The following RAF1 variants were observed in gnomAD, a reference collection of about 807,000 sequenced individuals.
The protein encoded by RAF1 is Raf-1 proto-oncogene, serine/threonine kinase, also known as RAF proto-oncogene serine/threonine-protein kinase.
A neutral mutation model predicts 81.1 loss-of-function variants in RAF1; 27 were observed. That is an observed-to-expected ratio of 0.33 (90% CI 0.25 to 0.46). RAF1 has a LOEUF of 0.46. Among genes scored for constraint, RAF1 ranks in the 20% least tolerant of loss-of-function variants. The pLI, the probability that RAF1 is intolerant of heterozygous loss-of-function variation, is 1.00. For missense variants in RAF1, 598 were observed against 826.0 expected, an observed-to-expected ratio of 0.72 and a Z score of 3.38; for synonymous variants, 298 against 294.0, an observed-to-expected ratio of 1.01 and a Z score of -0.14.
intron 1 of RAF1, among the ~76,000 whole-genome samples, chr3:12,646,255 C>T (rs1366391940): frequency 6.6e-6 from 1 of 152,226 alleles, no homozygotes; most frequent in East Asian, 1.9e-4. Flanking sequence ...ATCCTCCCAC[C>T]TCAGCCTCCT....
chr3:12,624,183 T>C (rs1323380046), intron 1 of RAF1, among the ~76,000 whole-genome samples: 1 of 152,110 alleles, frequency 6.6e-6, no homozygotes, highest in Non-Finnish European at 1.5e-5. Context: ...CACATACTCA[T>C]ACAAACGATA....
intron 2 of RAF1, among the ~76,000 whole-genome samples, chr3:12,614,437 A>G (rs2059311401): frequency 6.6e-6 from 1 of 151,658 alleles, no homozygotes; most frequent in South Asian, 2.1e-4. Context: ...TGTAAAATCT[A>G]TATTATATAT....
chr3:12,616,158 A>G (rs569044226), intron 2 of RAF1, among the ~76,000 whole-genome samples: 1 of 152,344 alleles, frequency 6.6e-6, no homozygotes, highest in East Asian at 1.9e-4. Flanking sequence ...AGAGGATCAA[A>G]AAAGTACAGA....
At chr3:12,594,437 T>A (rs1435509139) in intron 11 of RAF1, among the ~76,000 whole-genome samples, 1 of 152,196 alleles carries the variant, frequency 6.6e-6, no homozygotes, top group East Asian at 1.9e-4. Flanking sequence ...GACCTCGTTT[T>A]GTAGTCCATT....
Position 12,628,759 on chromosome 3 carries a change from G to GT in RAF1, c.-26-10013_-26-10012insA, listed in dbSNP as rs1180161739. 6.4e-3 allele frequency among the ~76,000 whole-genome samples: 888 copies of GT among 138,624 alleles called. 13 individuals are homozygous for GT. The highest frequency in any genetic ancestry group is 0.022 in the African/African-American group (839 of 37,926). 90.9% of individuals were successfully genotyped at this position (138,624 alleles called of 152,430 possible). A position where few individuals can be genotyped will look rare whatever the true frequency, so the allele number is the denominator to read the frequency against. On this transcript the variant is annotated intron_variant, in intron 1 of 17. Transcript: ENST00000442415. ...GAACCTGAGACTATTTTTGGGGGGG[G>GT]GGGGTGGCGGGGCACATGGTCTCAC...
chr3:12,594,809 C>T (rs552660790), intron 11 of RAF1, among the ~76,000 whole-genome samples: 1 of 152,316 alleles, frequency 6.6e-6, no homozygotes, highest in African/African-American at 2.4e-5. Flanking sequence ...GATGGGAAGA[C>T]TGAACAGGGT....
At chr3:12,584,698 A>G (rs1321285379) in intron 17 of RAF1, 41 bp from the exon 17 acceptor site, 13 of 1,612,224 alleles carry the variant, frequency 8.1e-6, no homozygotes, top group Non-Finnish European at 6.8e-6. Context: ...GCTGTGTCTC[A>G]AAGACACAGG....
At chr3:12,605,090 A>G (rs1432411756) in intron 6 of RAF1, among the ~76,000 whole-genome samples, 1 of 152,190 alleles carries the variant, frequency 6.6e-6, no homozygotes, top group Non-Finnish European at 1.5e-5. Flanking sequence ...CTTCAGAGGT[A>G]ACTACAAATT....
chr3:12,661,633 G>A (rs558986628), intron 1 of RAF1, among the ~76,000 whole-genome samples: 2 of 152,190 alleles, frequency 1.3e-5, no homozygotes, highest in African/African-American at 4.8e-5. Flanking sequence ...AACCAAGGAG[G>A]CAGAGGTTGC....
intron 1 of RAF1, among the ~76,000 whole-genome samples, chr3:12,658,602 C>CA (rs998185542): frequency 3.4e-4 from 51 of 151,150 alleles, no homozygotes; most frequent in East Asian, 2.5e-3. Context: ...AACTCCGTCT[C>CA]AAAAAAAACA....
Position 12,612,168 on chromosome 3 carries a change from G to A in RAF1, c.208-106C>T, listed in dbSNP as rs549872854. The A allele has an allele frequency of 1.5e-4, 125 of 837,714 alleles. 1 individual carries two copies. Among genetic ancestry groups the A allele is most frequent in the African/African-American group, 1.4e-3 (86 of 60,218 alleles). 51.9% of individuals were successfully genotyped at this position (837,714 alleles called of 1,614,324 possible). A position where few individuals can be genotyped will look rare whatever the true frequency, so the allele number is the denominator to read the frequency against. ...GTCTGTATTGCTTGTGATGGCCCACGCACACACACATATACGAAACAACCT... is the reference window on the plus strand; with the variant it reads ...GTCTGTATTGCTTGTGATGGCCCACACACACACACATATACGAAACAACCT... On this transcript the variant is annotated intron_variant, in intron 2 of 17. Transcript: ENST00000442415.
rs1290847333 is a variant in RAF1, at chr3:12,663,935, A to C, written c.-149T>G. 5.0e-6 allele frequency: 2 copies of C among 398,130 alleles called. No individual in the cohort carries two copies. Among genetic ancestry groups the C allele is most frequent in the Non-Finnish European group, 8.9e-6 (2 of 225,832 alleles). 24.7% of individuals were successfully genotyped at this position (398,130 alleles called of 1,614,324 possible). A position where few individuals can be genotyped will look rare whatever the true frequency, so the allele number is the denominator to read the frequency against. ...ATTCGGCGCGTCCCCAGCCCAGGGG[A>C]CGGAGCCCCGAGCAGCCCCCGCATC... is the stretch of plus-strand genomic sequence containing the variant. On this transcript the variant is annotated 5_prime_UTR_variant, in exon 1 of 18. Coordinates refer to ENST00000442415, the MANE Select transcript of RAF1 (RefSeq NM_001354689.3).
At chr3:12,631,500 G>A (rs2059858410) in intron 1 of RAF1, among the ~76,000 whole-genome samples, 1 of 152,208 alleles carries the variant, frequency 6.6e-6, no homozygotes, top group Non-Finnish European at 1.5e-5. Context: ...TCGGAAGGCT[G>A]AAGCAGGAGA....
chr3:12,639,771 A>G (rs2060129840), intron 1 of RAF1, among the ~76,000 whole-genome samples: 2 of 152,210 alleles, frequency 1.3e-5, no homozygotes, highest in Non-Finnish European at 2.9e-5. Context: ...AAGAATCAAT[A>G]TCGTGAAAAT....
chr3:12,618,545 A>G lies in RAF1; in HGVS notation c.177T>C (p.Arg59=). Residue 59 remains arginine, a synonymous_variant, in exon 2 of 18, where the codon CGT becomes CGC. Coordinates refer to ENST00000442415, the MANE Select transcript of RAF1 (RefSeq NM_001354689.3). The stretch of plus-strand genomic sequence containing the variant: ...TTCTTTGCTTGTTCGGCAAGAAAAC[A>G]CGGATAGTGTTGCTTGTCTTAGAAG... 1 of 1,614,216 alleles carries G rather than the reference A, an allele frequency of 6.2e-7. No homozygotes were observed.
chr3:12,646,540 A>T (rs1054086147), intron 1 of RAF1, among the ~76,000 whole-genome samples: 1 of 148,926 alleles, frequency 6.7e-6, no homozygotes, highest in Non-Finnish European at 1.5e-5. Flanking sequence ...ACGCCCTGCT[A>T]ATTTTTGTAT....
intron 11 of RAF1, among the ~76,000 whole-genome samples, chr3:12,596,386 G>A (rs1430245250): frequency 2.0e-5 from 3 of 151,876 alleles, no homozygotes; most frequent in Non-Finnish European, 4.4e-5. Flanking sequence ...TGGAGACAGG[G>A]TTTCACCATG....
intron 1 of RAF1, among the ~76,000 whole-genome samples, chr3:12,646,912 T>C (rs911087476): frequency 6.6e-6 from 1 of 151,818 alleles, no homozygotes; most frequent in Non-Finnish European, 1.5e-5. Flanking sequence ...CTCAAACTCC[T>C]GACCTCAAAT....
At chr3:12,612,649 C>CAAAAA (rs546490049) in intron 2 of RAF1, among the ~76,000 whole-genome samples, 1 of 74,678 alleles carries the variant, frequency 1.3e-5, no homozygotes. Flanking sequence ...GACTCCGTCT[C>CAAAAA]AAAAAAAAAA....
Sources: allele counts gnomAD v4.1 joint callset (sites outside exome capture counted in the v4.1 genomes callset), GRCh38; gene constraint gnomAD v4.1.1; transcripts MANE v1.5; gene names NCBI Gene and HGNC (gene_info 2026-07-23, HGNC 2026-07-21).